The following TMEM132C variants were observed in gnomAD, a reference collection of about 807,000 sequenced individuals.
TMEM132C encodes protein phosphatase 1, regulatory subunit 152.
A neutral mutation model predicts 61.4 loss-of-function variants in TMEM132C; 29 were observed. The ratio of observed to expected loss-of-function variants is 0.47; its 90% confidence interval spans 0.35 to 0.64. The LOEUF (loss-of-function observed/expected upper bound fraction) is 0.64, where lower values mean the gene tolerates loss of function less well. TMEM132C is among the 30% of genes least tolerant of loss of function. TMEM132C has a pLI of 0.00. For missense variants in TMEM132C, 1,408 were observed against 1,476.9 expected (o/e 0.95, Z 0.76); for synonymous variants, 656 against 633.1 (o/e 1.04, Z -0.54).
chr12:128,390,168 G>T (rs762932155), intron 1 of TMEM132C, among the ~76,000 whole-genome samples: 53 of 152,278 alleles, frequency 3.5e-4, no homozygotes, highest in Admixed American at 9.8e-4. Flanking sequence ...ACCACACCCG[G>T]CAGGTTATTC....
chr12:128,525,613 A>G (rs1873061078), intron 2 of TMEM132C, among the ~76,000 whole-genome samples: 2 of 152,262 alleles, frequency 1.3e-5, no homozygotes, highest in South Asian at 2.1e-4. Flanking sequence ...TGAGAGGTGT[A>G]TGATCTATTG....
At chr12:128,576,107 T>G (rs1002400153) in intron 3 of TMEM132C, among the ~76,000 whole-genome samples, 9 of 152,146 alleles carry the variant, frequency 5.9e-5, no homozygotes, top group African/African-American at 1.9e-4. Flanking sequence ...ATACAAAAAT[T>G]AGCTGGGCTT....
intron 1 of TMEM132C, among the ~76,000 whole-genome samples, chr12:128,370,106 T>G (rs530388062): frequency 3.9e-5 from 6 of 152,286 alleles, no homozygotes; most frequent in African/African-American, 1.4e-4. Flanking sequence ...CACCATTTCA[T>G]GGAACAAATC....
intron 2 of TMEM132C, among the ~76,000 whole-genome samples, chr12:128,513,382 G>C (rs188474468): frequency 1.9e-4 from 29 of 152,238 alleles, no homozygotes; most frequent in African/African-American, 6.7e-4. Flanking sequence ...TTAATATGCC[G>C]AGATATAATC....
chr12:128,444,220 C>G (rs1341108004), intron 2 of TMEM132C, among the ~76,000 whole-genome samples: 1 of 152,174 alleles, frequency 6.6e-6, no homozygotes, highest in Non-Finnish European at 1.5e-5. Flanking sequence ...GCGCCCAGCC[C>G]GATCTCTCCT....
chr12:128,586,286 A>G (rs1035566680), intron 3 of TMEM132C, among the ~76,000 whole-genome samples: 1 of 151,876 alleles, frequency 6.6e-6, no homozygotes, highest in Admixed American at 6.6e-5. Context: ...AACAATGACC[A>G]TAGCCAAACA....
chr12:128,591,444 G>C (rs190451797), intron 3 of TMEM132C, among the ~76,000 whole-genome samples: 6 of 152,062 alleles, frequency 3.9e-5, no homozygotes, highest in African/African-American at 1.4e-4. Flanking sequence ...TTTGTATGGC[G>C]GAGTAACATC....
At chr12:128,382,265 G>C (rs1278225490) in intron 1 of TMEM132C, among the ~76,000 whole-genome samples, 1 of 152,082 alleles carries the variant, frequency 6.6e-6, no homozygotes, top group Non-Finnish European at 1.5e-5. Flanking sequence ...GTTTTAAAAA[G>C]TTATATAAAT....
rs1954057954 is a variant in TMEM132C, at chr12:128,630,625, GTCA to G, written c.1305+14292_1305+14294del. Among the ~76,000 whole-genome samples, 2 of 152,128 alleles carry G rather than the reference GTCA, an allele frequency of 1.3e-5. No individual in the cohort carries two copies. Among genetic ancestry groups the G allele is most frequent in the Admixed American group, 6.5e-5 (1 of 15,282 alleles). ...CCATCGTCCATGTTCCCTCTGGGCG[GTCA>G]TGCCCAGAGGCTCGGGAACTTGGCT... On this transcript the variant is annotated intron_variant, in intron 4 of 8. Transcript: ENST00000435159. The surrounding 1 kb of genome is among the most constrained non-coding windows in gnomAD (Gnocchi z 4.3).
At chr12:128,503,393 T>A (rs1872246302) in intron 2 of TMEM132C, among the ~76,000 whole-genome samples, 1 of 152,238 alleles carries the variant, frequency 6.6e-6, no homozygotes, top group East Asian at 1.9e-4. Flanking sequence ...GACAGCTTTC[T>A]GTGCTGAACT....
chr12:128,588,398 C>G (rs1423638222), intron 3 of TMEM132C, among the ~76,000 whole-genome samples: 1 of 152,154 alleles, frequency 6.6e-6, no homozygotes, highest in African/African-American at 2.4e-5. Context: ...CACCACTACA[C>G]TCCAGCCTGG....
chr12:128,290,172 A>G (rs938746309), intron 1 of TMEM132C, among the ~76,000 whole-genome samples: 3 of 152,196 alleles, frequency 2.0e-5, no homozygotes, highest in Admixed American at 2.0e-4. Context: ...GTATGAGTCC[A>G]TTCTCATACT....
chr12:128,430,310 G>C (rs1162368856), intron 2 of TMEM132C, among the ~76,000 whole-genome samples: 1 of 152,170 alleles, frequency 6.6e-6, no homozygotes, highest in Non-Finnish European at 1.5e-5. Context: ...ATGACGGATG[G>C]GAGGGTGAAA....
At chr12:128,473,125 T>A (rs984276674) in intron 2 of TMEM132C, among the ~76,000 whole-genome samples, 4 of 123,604 alleles carry the variant, frequency 3.2e-5, no homozygotes, top group Non-Finnish European at 7.4e-5. Flanking sequence ...CACTCCAGCC[T>A]CCATCTTCAT....
chr12:128,689,479 C>T (rs987532089), intron 5 of TMEM132C, among the ~76,000 whole-genome samples: 1 of 152,130 alleles, frequency 6.6e-6, no homozygotes, highest in Non-Finnish European at 1.5e-5. Context: ...ATTAACGGAG[C>T]AGGTCCACAA....
chr12:128,269,422 T>G (rs1870435800), intron 1 of TMEM132C, among the ~76,000 whole-genome samples: 1 of 150,712 alleles, frequency 6.6e-6, no homozygotes, highest in South Asian at 2.1e-4. Context: ...CTGTTACAGA[T>G]GTCCATGTGT....
At chr12:128,653,274 G>A (rs1307408407) in intron 4 of TMEM132C, among the ~76,000 whole-genome samples, 1 of 152,046 alleles carries the variant, frequency 6.6e-6, no homozygotes, top group Non-Finnish European at 1.5e-5. Context: ...GGAGGAGGGG[G>A]GGATGGGAGT....
At chr12:128,354,464 T>TCTTC (rs749023881) in intron 1 of TMEM132C, among the ~76,000 whole-genome samples, 2 of 151,774 alleles carry the variant, frequency 1.3e-5, no homozygotes, top group Admixed American at 6.6e-5. Context: ...TTCTTTTCTT[T>TCTTC]CTTCCTTCCT....
At chr12:128,642,243 T>G (rs1411243627) in intron 4 of TMEM132C, among the ~76,000 whole-genome samples, 1 of 152,168 alleles carries the variant, frequency 6.6e-6, no homozygotes, top group Non-Finnish European at 1.5e-5. Context: ...GTGATTCTCC[T>G]GCCTCAGCCT....
Sources: gnomAD v4.1 joint callset for allele counts (sites outside exome capture counted in the v4.1 genomes callset) on GRCh38, gnomAD v4.1.1 for gene constraint, Gnocchi (gnomAD v3.1) non-coding constraint, MANE v1.5 for transcripts, NCBI Gene and HGNC (gene_info 2026-07-23, HGNC 2026-07-21) for gene names.